Variants in GPC1 observed in about 807,000 individuals in gnomAD.
GPC1 encodes glypican-1.
Under a neutral mutation model 51.5 loss-of-function variants are expected in GPC1, and 26 were observed. That is an observed-to-expected ratio of 0.50 (90% CI 0.37 to 0.70). GPC1 has a LOEUF of 0.70. Ranked by LOEUF, GPC1 falls within the 30% of genes least tolerant of loss-of-function variation. GPC1 has a pLI of 0.00. For missense variants in GPC1, 775 were observed against 800.5 expected (o/e 0.97, Z 0.38); for synonymous variants, 380 against 348.3 (o/e 1.09, Z -1.01).
chr2:240,450,976 C>T, intron 1 of GPC1: 2 of 403,574 alleles, frequency 5.0e-6, no homozygotes, highest in Non-Finnish European at 1.0e-5. Context: ...CAGGTCACAG[C>T]TGGGTGGGGT....
rs763183515 is a variant in GPC1 at position 240,462,181 on chromosome 2, C to T, written c.326-10C>T. 1.9e-6 allele frequency: 3 copies of T among 1,573,334 alleles called. No individual in the cohort carries two copies. Among genetic ancestry groups the T allele is most frequent in the Non-Finnish European group, 2.6e-6 (3 of 1,156,346 alleles). On this transcript the variant is annotated splice_polypyrimidine_tract_variant and intron_variant, in intron 2 of 8. Coordinates refer to ENST00000264039, the MANE Select transcript of GPC1 (RefSeq NM_002081.3). ...ACATGGTCCCGATCACGCCCCCTCC[C>T]TGTGCGCAGACCACTTCCAGCACCT...
intron 4 of GPC1, 98 bp from the exon 5 acceptor site, chr2:240,464,518 T>C (rs1311884487): frequency 2.9e-6 from 4 of 1,396,482 alleles, no homozygotes; most frequent in Non-Finnish European, 4.0e-6. Context: ...CTGTCAAGAC[T>C]GCATTAACAT....
chr2:240,439,241 C>T (rs932668135), intron 1 of GPC1, among the ~76,000 whole-genome samples: 8 of 152,254 alleles, frequency 5.3e-5, no homozygotes, highest in African/African-American at 1.9e-4. Flanking sequence ...GATAGCTTCT[C>T]GGAGGACACC....
chr2:240,438,685 G>C (rs887118215), intron 1 of GPC1, among the ~76,000 whole-genome samples: 1 of 152,210 alleles, frequency 6.6e-6, no homozygotes, highest in Non-Finnish European at 1.5e-5. Flanking sequence ...CCCAGCCTCT[G>C]CCCCAGGGAC....
intron 1 of GPC1, chr2:240,449,928 A>T (rs547111248): frequency 1.1e-5 from 5 of 469,906 alleles, no homozygotes; most frequent in Non-Finnish European, 2.2e-5. Flanking sequence ...GCACCTACAG[A>T]CAGTTTGTGG....
intron 8 of GPC1, 58 bp downstream of exon 8, chr2:240,465,706 G>T (rs1454653619): frequency 4.1e-6 from 6 of 1,455,662 alleles, no homozygotes; most frequent in African/African-American, 1.4e-5. Context: ...GGTGCCACAG[G>T]GGTGTGACTG....
At chr2:240,453,034 C>G (rs866270841) in intron 1 of GPC1, 12 of 343,196 alleles carry the variant, frequency 3.5e-5, no homozygotes, top group South Asian at 2.4e-4. Context: ...GTCCCGCGTC[C>G]GCCGCCGCGC....
In GPC1 at chr2:240,465,522, C is replaced by A. The variant is rs1212416077; in HGVS notation, c.1318C>A (p.Pro440Thr). 1 of 1,613,204 alleles carries A rather than the reference C, an allele frequency of 6.2e-7. No homozygotes were observed. Among genetic ancestry groups the A allele is most frequent in the Non-Finnish European group, 8.5e-7 (1 of 1,180,004 alleles). Reference protein sequence around the residue: ...GDGLANQINNPEVEVDITKPD... With the variant: ...GDGLANQINNTEVEVDITKPD... Reference sequence around the variant, plus strand: ...CGGCCTGGCCAACCAGATCAACAACCCCGAGGTGGAGGTGGACATCACCAA... The same window carrying A: ...CGGCCTGGCCAACCAGATCAACAACACCGAGGTGGAGGTGGACATCACCAA... The change falls in exon 8 of 9, where the codon CCC (proline) becomes ACC (threonine). Residue 440 changes from proline (P) to threonine (T), a missense_variant. Transcript: ENST00000264039.
intron 1 of GPC1, among the ~76,000 whole-genome samples, chr2:240,442,985 G>T (rs906350131): frequency 1.3e-5 from 2 of 152,272 alleles, no homozygotes; most frequent in African/African-American, 4.8e-5. Flanking sequence ...GGAGGCCTCA[G>T]CGTCAGGCCC....
At chr2:240,455,735 G>C (rs957677689) in intron 1 of GPC1, among the ~76,000 whole-genome samples, 2 of 152,190 alleles carry the variant, frequency 1.3e-5, no homozygotes, top group Non-Finnish European at 2.9e-5. Context: ...CCAGCCCCTG[G>C]CATTCTTCCA....
chr2:240,447,680 T>C (rs1175745115), intron 1 of GPC1, among the ~76,000 whole-genome samples: 1 of 152,170 alleles, frequency 6.6e-6, no homozygotes, highest in Non-Finnish European at 1.5e-5. Context: ...AAGGGCCGGC[T>C]CCACACCGGC....
rs71428436 is a variant in GPC1 at position 240,448,294 on chromosome 2, G to A, written c.167-10736G>A. Among the ~76,000 whole-genome samples the A allele has an allele frequency of 0.085, 12,885 of 152,128 alleles. 729 individuals are homozygous for A. The highest frequency in any genetic ancestry group is 0.12 in the Non-Finnish European group (8,272 of 67,968). ...TCTGCCTCCTGGATCTCATGTGCCC[G>A]CCCCAGGCAGTGTCCCCAACCTCTG... On this transcript the variant is annotated intron_variant, in intron 1 of 8. Coordinates refer to ENST00000264039, the MANE Select transcript of GPC1 (RefSeq NM_002081.3). This position sits in a 1 kb window ranked among gnomAD's most constrained non-coding sequence, Gnocchi z 4.5.
chr2:240,443,025 C>T (rs1458912980), intron 1 of GPC1, among the ~76,000 whole-genome samples: 1 of 152,278 alleles, frequency 6.6e-6, no homozygotes, highest in African/African-American at 2.4e-5. Context: ...TGGCCAGCCC[C>T]TCCTGCCGTG....
At chr2:240,449,553 C>T in intron 1 of GPC1, 1 of 238,646 alleles carries the variant, frequency 4.2e-6, no homozygotes, top group African/African-American at 2.3e-5. Flanking sequence ...GCAAAATATG[C>T]ATAACAAAAT....
rs200876630 is a variant in GPC1 at position 240,465,483 on chromosome 2, G to A, written c.1279G>A (p.Glu427Lys). The A allele has an allele frequency of 2.9e-5, 46 of 1,612,990 alleles. No homozygotes were observed. Among genetic ancestry groups the A allele is most frequent in the Middle Eastern group, 1.7e-4 (1 of 6,046 alleles). Residue 427 changes from glutamate (E) to lysine (K), a missense_variant, in exon 8 of 9, where the codon GAG (glutamate) becomes AAG (lysine). By Grantham distance (56) the Glu-to-Lys change is moderately conservative (BLOSUM62 1). Coordinates refer to ENST00000264039, the MANE Select transcript of GPC1 (RefSeq NM_002081.3). Reference sequence around the variant, plus strand: ...CTGCCTTTCCCCCAGGTACCTCCCCGAGGTCATGGGTGACGGCCTGGCCAA... The same window carrying A: ...CTGCCTTTCCCCCAGGTACCTCCCCAAGGTCATGGGTGACGGCCTGGCCAA... ...NGMARGRYLPEVMGDGLANQI... is the reference protein window; with the variant it reads ...NGMARGRYLPKVMGDGLANQI...
chr2:240,463,728 G>A (rs900825293), intron 4 of GPC1: 1 of 575,342 alleles, frequency 1.7e-6, no homozygotes, highest in South Asian at 2.2e-5. Context: ...AGCTGCCAGG[G>A]AGGGAGCCCT....
rs543117465 is a variant in GPC1, at chr2:240,466,629, A to G, written c.*339A>G. ...CCTCGAGGCCTACAGAGGAGGCCTC[A>G]AAGCAACCCGCTGGAGCCCACAGCG... On this transcript the variant is annotated 3_prime_UTR_variant, in exon 9 of 9. Coordinates refer to ENST00000264039, the MANE Select transcript of GPC1 (RefSeq NM_002081.3). 70 of 273,016 alleles carry G rather than the reference A, an allele frequency of 2.6e-4. No individual in the cohort carries two copies. The East Asian group carries it at 3.8e-3, about 15-fold the overall frequency. The allele number at this position is 273,016 out of a possible 1,614,324, so 16.9% of individuals were successfully genotyped here.
At chr2:240,436,948 C>T (rs2073988091) in intron 1 of GPC1, among the ~76,000 whole-genome samples, 1 of 152,244 alleles carries the variant, frequency 6.6e-6, no homozygotes, top group South Asian at 2.1e-4. Flanking sequence ...GCTTTGGGGA[C>T]AGAAGTGTAC....
intron 1 of GPC1, among the ~76,000 whole-genome samples, chr2:240,444,934 T>C (rs1037313699): frequency 1.3e-5 from 2 of 152,180 alleles, no homozygotes; most frequent in Non-Finnish European, 2.9e-5. Context: ...TGTGACCATC[T>C]ACCAGGCCCT....
Sources: allele counts gnomAD v4.1 joint callset (sites outside exome capture counted in the v4.1 genomes callset), GRCh38; gene constraint gnomAD v4.1.1; non-coding constraint Gnocchi (gnomAD v3.1); transcripts MANE v1.5; gene names NCBI Gene and HGNC (gene_info 2026-07-23, HGNC 2026-07-21).